Variants in AP4S1 observed in about 807,000 individuals in gnomAD.
AP4S1 encodes the protein AP-4 complex subunit sigma-1.
A neutral mutation model predicts 19.8 loss-of-function variants in AP4S1; 23 were observed. The observed-to-expected ratio is 1.16, with a 90% CI of 0.84 to 1.65. The LOEUF (loss-of-function observed/expected upper bound fraction) is 1.65, where lower values mean the gene tolerates loss of function less well. Ranked by LOEUF, AP4S1 falls within the 40% of genes most tolerant of loss-of-function variation. The pLI is 0.00. For synonymous variants in AP4S1, 46 were observed against 54.1 expected, an observed-to-expected ratio of 0.85 and a Z score of 0.66; for missense variants, 166 against 172.8, an observed-to-expected ratio of 0.96 and a Z score of 0.22.
At chr14:31,043,352 C>A (rs1002111674) in intron 1 of AP4S1, among the ~76,000 whole-genome samples, 3 of 152,078 alleles carry the variant, frequency 2.0e-5, no homozygotes, top group Non-Finnish European at 4.4e-5. Context: ...TCCAAAGCTA[C>A]TTCAAATATA....
At chr14:31,037,717 A>T (rs927720090) in intron 1 of AP4S1, among the ~76,000 whole-genome samples, 2 of 152,170 alleles carry the variant, frequency 1.3e-5, no homozygotes, top group African/African-American at 4.8e-5. Flanking sequence ...TAGGAGGCCA[A>T]GGTGGGAGGA....
At chr14:31,055,076 A>C (rs187767055) in intron 1 of AP4S1, among the ~76,000 whole-genome samples, 1 of 150,608 alleles carries the variant, frequency 6.6e-6, no homozygotes, top group African/African-American at 2.4e-5. Context: ...CTGTCAAGGT[A>C]TATCTCTGTA....
Position 31,080,779 on chromosome 14 carries a change from G to A in AP4S1, c.306+195G>A, listed in dbSNP as rs559134375. 2.6e-4 allele frequency: 195 copies of A among 761,032 alleles called. 1 individual carries two copies. The highest frequency in any genetic ancestry group is 4.2e-4 in the Non-Finnish European group (181 of 433,948). 47.1% of individuals were successfully genotyped at this position (761,032 alleles called of 1,614,324 possible). A position where few individuals can be genotyped will look rare whatever the true frequency, so the allele number is the denominator to read the frequency against. ...CTTCGTCACCCTGCTTCAACAAGGC[G>A]ATTCTTTTTTTTTCTTTTTAAGATG... On this transcript the variant is annotated intron_variant, in intron 5 of 5. Coordinates refer to ENST00000542754, the MANE Select transcript of AP4S1 (RefSeq NM_001128126.3).
At chr14:31,058,181 T>G (rs1324974093) in intron 1 of AP4S1, among the ~76,000 whole-genome samples, 1 of 152,030 alleles carries the variant, frequency 6.6e-6, no homozygotes, top group Non-Finnish European at 1.5e-5. Context: ...CCGCCCACCT[T>G]GGCCTCGCAA....
intron 1 of AP4S1, among the ~76,000 whole-genome samples, chr14:31,044,734 A>C (rs541392321): frequency 6.7e-6 from 1 of 150,346 alleles, no homozygotes; most frequent in Non-Finnish European, 1.5e-5. Context: ...CCTCAAGTGT[A>C]TATGTTTATT....
At chr14:31,046,845 C>CAAAAA (rs577536911) in intron 1 of AP4S1, among the ~76,000 whole-genome samples, 1 of 61,086 alleles carries the variant, frequency 1.6e-5, no homozygotes, top group Non-Finnish European at 3.7e-5. Context: ...GACTCCGTCT[C>CAAAAA]AAAAAAAAAA....
rs1888119865 is a variant in AP4S1, at chr14:31,093,089, A to C, written c.*54A>C. 2.0e-6 allele frequency: 3 copies of C among 1,518,806 alleles called. No homozygotes were observed. Among genetic ancestry groups the C allele is most frequent in the Non-Finnish European group, 2.7e-6 (3 of 1,131,358 alleles). 94.1% of individuals were successfully genotyped at this position (1,518,806 alleles called of 1,614,324 possible). A position where few individuals can be genotyped will look rare whatever the true frequency, so the allele number is the denominator to read the frequency against. On this transcript the variant is annotated 3_prime_UTR_variant, in exon 6 of 6. Transcript: ENST00000542754. ...TTATCAGAAATGCGAGTACCGTGGA[A>C]TACATCTCAACATGTTAACCCAGAA...
At chr14:31,040,423 A>G (rs993217216) in intron 1 of AP4S1, among the ~76,000 whole-genome samples, 2 of 152,144 alleles carry the variant, frequency 1.3e-5, no homozygotes, top group Non-Finnish European at 2.9e-5. Flanking sequence ...ACACAAAGCT[A>G]TAGGAAACAT....
chr14:31,052,934 ATT>A lies in AP4S1; in HGVS notation c.-71-13170_-71-13169del, dbSNP rs1209280743. Among the ~76,000 whole-genome samples the A allele has an allele frequency of 1.2e-3, 117 of 101,206 alleles. No homozygotes were observed. In the East Asian group the frequency reaches 0.019, roughly 17 times the overall value. The allele number at this position is 101,206 out of a possible 152,430, so 66.4% of individuals were successfully genotyped here. ...GAAAGGAAAGAAGTCAGTGTGCTAAATTTTTTTTTTTTTTTTTTTTTTTGAGA... is the reference window on the plus strand; with the variant it reads ...GAAAGGAAAGAAGTCAGTGTGCTAAATTTTTTTTTTTTTTTTTTTTTGAGA... On this transcript the variant is annotated intron_variant, in intron 1 of 5. Transcript: ENST00000542754.
At chr14:31,049,425 AAAAATATATAT>A (rs1885616964) in intron 1 of AP4S1, among the ~76,000 whole-genome samples, 1 of 42,686 alleles carries the variant, frequency 2.3e-5, no homozygotes, top group Non-Finnish European at 4.1e-5. Context: ...AAAAAAAAAA[AAAAATATATAT>A]ATATATATAT....
intron 1 of AP4S1, among the ~76,000 whole-genome samples, chr14:31,046,073 T>A (rs968864436): frequency 3.3e-5 from 5 of 151,614 alleles, no homozygotes; most frequent in African/African-American, 9.7e-5. Context: ...TTCAAGCAAT[T>A]CTCCTGCCTC....
chr14:31,087,770 A>G (rs914417227), intron 5 of AP4S1, among the ~76,000 whole-genome samples: 1 of 152,282 alleles, frequency 6.6e-6, no homozygotes, highest in East Asian at 1.9e-4. Flanking sequence ...TTTTTTGTGA[A>G]TAAGGGGAGA....
chr14:31,047,718 C>T (rs898802678), intron 1 of AP4S1, among the ~76,000 whole-genome samples: 2 of 152,044 alleles, frequency 1.3e-5, no homozygotes, highest in Non-Finnish European at 2.9e-5. Context: ...CTTGCTGTGT[C>T]ACCAGGCTGG....
At position 31,041,915 on chromosome 14, in the gene AP4S1, G is replaced by A. The variant is rs187989187; in HGVS notation, c.-72+16128G>A. Among the ~76,000 whole-genome samples, 86 of 152,204 alleles carry A rather than the reference G, an allele frequency of 5.7e-4. 1 individual carries two copies. Among genetic ancestry groups the A allele is most frequent in the African/African-American group, 1.9e-3 (80 of 41,524 alleles). On this transcript the variant is annotated intron_variant, in intron 1 of 5. Transcript: ENST00000542754. ...TGCATCTCTGCTCACTGCAGCCTCC[G>A]CCTCCCAGGTTCAAGCAATTCCCCT...
chr14:31,056,613 C>G (rs781145204), intron 1 of AP4S1, among the ~76,000 whole-genome samples: 8 of 152,180 alleles, frequency 5.3e-5, no homozygotes, highest in Non-Finnish European at 8.8e-5. Context: ...CCCGCCTTGG[C>G]CTTCCAAAGT....
At chr14:31,080,157 A>G (rs1015056820) in intron 4 of AP4S1, among the ~76,000 whole-genome samples, 2 of 152,182 alleles carry the variant, frequency 1.3e-5, no homozygotes, top group African/African-American at 4.8e-5. Flanking sequence ...TACAAACACC[A>G]TTACCCTGAA....
At chr14:31,072,997 G>T in intron 4 of AP4S1, 24 bp downstream of exon 4, 7 of 1,596,312 alleles carry the variant, frequency 4.4e-6, no homozygotes, top group Non-Finnish European at 6.0e-6. Flanking sequence ...CTAAAAAATG[G>T]TTTACTTCCT....
At chr14:31,054,646 G>A (rs1420004567) in intron 1 of AP4S1, among the ~76,000 whole-genome samples, 6 of 151,794 alleles carry the variant, frequency 4.0e-5, no homozygotes, top group African/African-American at 1.5e-4. Context: ...CCAAGATTGC[G>A]CCACTGCACT....
intron 2 of AP4S1, among the ~76,000 whole-genome samples, chr14:31,068,123 C>T (rs1189398611): frequency 6.6e-6 from 1 of 152,174 alleles, no homozygotes; most frequent in Non-Finnish European, 1.5e-5. Flanking sequence ...CCGCCTTGGC[C>T]TCCTAAAGTG....
Sources: allele counts gnomAD v4.1 joint callset (sites outside exome capture counted in the v4.1 genomes callset), GRCh38; gene constraint gnomAD v4.1.1; transcripts MANE v1.5; gene names NCBI Gene and HGNC (gene_info 2026-07-23, HGNC 2026-07-21).